CNPY1: variants seen among roughly 807,000 people sequenced by gnomAD.
CNPY1 encodes the protein protein canopy homolog 1.
CNPY1 carries 14 observed loss-of-function variants against 14.4 expected under a neutral mutation model. The ratio of observed to expected loss-of-function variants is 0.97; its 90% confidence interval spans 0.64 to 1.52. CNPY1 has a LOEUF of 1.52. Among genes scored for constraint, CNPY1 ranks in the 40% most tolerant of loss-of-function variants. The probability of loss-of-function intolerance (pLI) is 0.00; values close to 1 mark genes in which losing one functional copy is unlikely to be tolerated. For synonymous variants in CNPY1, 43 were observed against 46.5 expected (o/e 0.92, Z 0.31); for missense variants, 129 against 131.5 (o/e 0.98, Z 0.09).
intron 3 of CNPY1, 129 bp from the exon 4 acceptor site, chr7:155,507,245 C>T (rs564430333): frequency 9.1e-6 from 6 of 659,156 alleles, no homozygotes; most frequent in African/African-American, 3.6e-5. Flanking sequence ...CATTTTTATT[C>T]GCCCTTTTGG....
chr7:155,526,417 T>C (rs1796819617), intron 2 of CNPY1, among the ~76,000 whole-genome samples: 1 of 152,162 alleles, frequency 6.6e-6, no homozygotes, highest in Non-Finnish European at 1.5e-5. Context: ...GCCCAATGCC[T>C]TCGTGGACGG....
At chr7:155,537,811 G>A (rs1797040839) in intron 2 of CNPY1, among the ~76,000 whole-genome samples, 1 of 151,694 alleles carries the variant, frequency 6.6e-6, no homozygotes, top group South Asian at 2.1e-4. Context: ...TTTAGAATAG[G>A]AATTTCTACA....
At chr7:155,540,426 G>A (rs1797070832) in intron 2 of CNPY1, among the ~76,000 whole-genome samples, 1 of 152,184 alleles carries the variant, frequency 6.6e-6, no homozygotes, top group African/African-American at 2.4e-5. Flanking sequence ...AGTCACTAAA[G>A]CTTTCTGGGC....
At chr7:155,509,633 G>A (rs1017459617) in intron 2 of CNPY1, among the ~76,000 whole-genome samples, 12 of 152,166 alleles carry the variant, frequency 7.9e-5, no homozygotes, top group African/African-American at 2.4e-4. Flanking sequence ...CCTCCCCGGG[G>A]CTGCCCTTGG....
chr7:155,512,045 G>A (rs756835446), intron 2 of CNPY1, among the ~76,000 whole-genome samples: 10 of 152,110 alleles, frequency 6.6e-5, no homozygotes, highest in Non-Finnish European at 1.0e-4. Context: ...TAAGGATTGG[G>A]ACAAGTGGAA....
At chr7:155,539,258 C>T (rs1342711785) in intron 2 of CNPY1, among the ~76,000 whole-genome samples, 1 of 152,224 alleles carries the variant, frequency 6.6e-6, no homozygotes, top group Non-Finnish European at 1.5e-5. Flanking sequence ...ATGCTGAGGA[C>T]AGCCATCTGC....
rs542617477 is a variant in CNPY1, at chr7:155,536,114, G to T, written c.99+9717C>A. Among the ~76,000 whole-genome samples, 25 of 152,196 alleles carry T rather than the reference G, an allele frequency of 1.6e-4. No homozygotes were observed. The highest frequency in any genetic ancestry group is 3.2e-4 in the Non-Finnish European group (22 of 68,032). On this transcript the variant is annotated intron_variant, in intron 2 of 4. Transcript: ENST00000636446. The surrounding 1 kb of genome is among the most constrained non-coding windows in gnomAD (Gnocchi z 4.1). ...GGGCTGTCCTCACCTGGCGGGGTCA[G>T]AGGCAGTGGGGATCCAGGTGCCATT...
rs570043179 is a variant in CNPY1 at position 155,512,511 on chromosome 7, A to C, written c.100-3414T>G. Among the ~76,000 whole-genome samples, 4 of 152,332 alleles carry C rather than the reference A, an allele frequency of 2.6e-5. No homozygotes were observed. In the East Asian group the frequency reaches 7.7e-4, roughly 29 times the overall value. Reference sequence around the variant, plus strand: ...TACCCATAGCCCTACTTTAGAGTGGAAAGAAGTACTTGAAAGTTCTGGCTT... The same window carrying C: ...TACCCATAGCCCTACTTTAGAGTGGCAAGAAGTACTTGAAAGTTCTGGCTT... On this transcript the variant is annotated intron_variant, in intron 2 of 4. Coordinates refer to ENST00000636446, the MANE Select transcript of CNPY1 (RefSeq NM_001393663.1).
intron 2 of CNPY1, among the ~76,000 whole-genome samples, chr7:155,524,013 T>A (rs558848575): frequency 6.6e-6 from 1 of 152,222 alleles, no homozygotes; most frequent in African/African-American, 2.4e-5. Context: ...CAGACTAGAT[T>A]TTCCCTCTGA....
chr7:155,544,441 G>A (rs1037156432), intron 2 of CNPY1, among the ~76,000 whole-genome samples: 5 of 152,192 alleles, frequency 3.3e-5, no homozygotes, highest in African/African-American at 1.2e-4. Flanking sequence ...GCTGGCCCAG[G>A]AGCACTAATG....
intron 2 of CNPY1, among the ~76,000 whole-genome samples, chr7:155,527,502 C>T (rs1796851001): frequency 8.2e-6 from 1 of 122,696 alleles, no homozygotes; most frequent in African/African-American, 3.2e-5. Flanking sequence ...TGCAGTGGTG[C>T]AATCACACAG....
intron 2 of CNPY1, among the ~76,000 whole-genome samples, chr7:155,516,790 C>A (rs1193435405): frequency 6.6e-6 from 1 of 152,186 alleles, no homozygotes; most frequent in African/African-American, 2.4e-5. Context: ...TCGGGCCATT[C>A]CCTTGGTCCC....
At chr7:155,521,842 C>T (rs1796731312) in intron 2 of CNPY1, among the ~76,000 whole-genome samples, 1 of 152,216 alleles carries the variant, frequency 6.6e-6, no homozygotes, top group Non-Finnish European at 1.5e-5. Flanking sequence ...AGAGAAGATG[C>T]TTGCCAGGTT....
intron 2 of CNPY1, among the ~76,000 whole-genome samples, chr7:155,543,872 T>C (rs1797129466): frequency 6.6e-6 from 1 of 152,218 alleles, no homozygotes; most frequent in African/African-American, 2.4e-5. Context: ...GACTCTAAGA[T>C]TGCCTTAGGC....
At chr7:155,524,681 T>C (rs1042054384) in intron 2 of CNPY1, among the ~76,000 whole-genome samples, 2 of 152,208 alleles carry the variant, frequency 1.3e-5, no homozygotes, top group African/African-American at 4.8e-5. Context: ...TTCTACATTA[T>C]GGTGAGTTGC....
chr7:155,526,345 A>G (rs1796818439), intron 2 of CNPY1, among the ~76,000 whole-genome samples: 1 of 152,178 alleles, frequency 6.6e-6, no homozygotes, highest in Admixed American at 6.5e-5. Flanking sequence ...AATGGAAGAA[A>G]ATTCAGAAAG....
At chr7:155,540,559 G>C (rs1290127533) in intron 2 of CNPY1, among the ~76,000 whole-genome samples, 5 of 152,236 alleles carry the variant, frequency 3.3e-5, no homozygotes, top group South Asian at 2.1e-4. Flanking sequence ...CGTCCTCACT[G>C]TTGCTGTTGG....
At position 155,545,604 on chromosome 7, in the gene CNPY1, G is replaced by A. The variant is rs939324393; in HGVS notation, c.99+227C>T. ...TTTTATTCTGATGAAGAACAGTGCC[G>A]AAATGTCTTTCGACTTGACGAGACA... is the stretch of plus-strand genomic sequence containing the variant. On this transcript the variant is annotated intron_variant, in intron 2 of 4. Transcript: ENST00000636446. Among the ~76,000 whole-genome samples, 8 of 152,230 alleles carry A rather than the reference G, an allele frequency of 5.3e-5. No homozygotes were observed. The East Asian group carries it at 5.8e-4, about 11-fold the overall frequency.
At chr7:155,515,621 G>C (rs139210246) in intron 2 of CNPY1, among the ~76,000 whole-genome samples, 2 of 152,168 alleles carry the variant, frequency 1.3e-5, no homozygotes, top group East Asian at 3.9e-4. Flanking sequence ...GGAGTCGACT[G>C]GGGGAAACGA....
Sources: gnomAD v4.1 joint callset for allele counts (sites outside exome capture counted in the v4.1 genomes callset) on GRCh38, gnomAD v4.1.1 for gene constraint, Gnocchi (gnomAD v3.1) non-coding constraint, MANE v1.5 for transcripts, NCBI Gene and HGNC (gene_info 2026-07-23, HGNC 2026-07-21) for gene names.